The following RASAL2 variants were observed in gnomAD, a reference collection of about 807,000 sequenced individuals.
RASAL2 encodes the protein RAS protein activator like 2.
A neutral mutation model predicts 128.9 loss-of-function variants in RASAL2; 58 were observed. The ratio of observed to expected loss-of-function variants is 0.45; its 90% CI spans 0.36 to 0.56. RASAL2 has a LOEUF of 0.56. RASAL2 is among the 20% of genes least tolerant of loss of function. The pLI is 0.00. For synonymous variants in RASAL2, 561 were observed against 580.8 expected, an observed-to-expected ratio of 0.97 and a Z score of 0.49; for missense variants, 1,360 against 1,601.6, an observed-to-expected ratio of 0.85 and a Z score of 2.57.
In RASAL2 at chr1:178,471,408, A is replaced by T. The variant is rs558168790; in HGVS notation, c.3679-1667A>T. Among the ~76,000 whole-genome samples the T allele has an allele frequency of 1.4e-4, 22 of 152,228 alleles. No homozygotes were observed. The Middle Eastern group carries it at 0.01, about 71-fold the overall frequency. On this transcript the variant is annotated intron_variant, in intron 17 of 17. Coordinates refer to ENST00000367649, the MANE Select transcript of RASAL2 (RefSeq NM_170692.4). ...CATTGGTTAAAATTTTTTTAATAAT[A>T]ATTATTTTTTAAAAGCCTTGCAGCT... is the stretch of plus-strand genomic sequence containing the variant.
chr1:178,309,250 C>T (rs1305696855), intron 3 of RASAL2, among the ~76,000 whole-genome samples: 2 of 151,990 alleles, frequency 1.3e-5, no homozygotes, highest in Non-Finnish European at 2.9e-5. Context: ...TTTGAAATTT[C>T]CTTAAAATGT....
In RASAL2 at chr1:178,110,587, AT is replaced by A. The variant is rs1402331716; in HGVS notation, c.202+15894del. Among the ~76,000 whole-genome samples, 6 of 146,484 alleles carry A rather than the reference AT, an allele frequency of 4.1e-5. No individual in the cohort carries two copies. The South Asian group carries it at 1.1e-3, about 26-fold the overall frequency. On this transcript the variant is annotated intron_variant, in intron 1 of 17. Coordinates refer to ENST00000367649, the MANE Select transcript of RASAL2 (RefSeq NM_170692.4). ...TATATATAGCATATGTAGTATATAT[AT>A]GCTATATATACTGTATATATACACT... is the stretch of plus-strand genomic sequence containing the variant.
intron 1 of RASAL2, among the ~76,000 whole-genome samples, chr1:178,148,084 T>C (rs570733732): frequency 6.6e-6 from 1 of 151,728 alleles, no homozygotes; most frequent in African/African-American, 2.4e-5. Context: ...ATAAATAAAT[T>C]AATTAAAAAA....
chr1:178,212,580 C>T (rs1663290371), intron 1 of RASAL2, among the ~76,000 whole-genome samples: 1 of 152,126 alleles, frequency 6.6e-6, no homozygotes, highest in Non-Finnish European at 1.5e-5. Flanking sequence ...CAACGTCCGC[C>T]TCCTGGGTTC....
chr1:178,427,541 A>G (rs1675588988), intron 5 of RASAL2, among the ~76,000 whole-genome samples: 1 of 152,166 alleles, frequency 6.6e-6, no homozygotes, highest in African/African-American at 2.4e-5. Context: ...ATTATGGAAC[A>G]ATATTCTCAG....
intron 4 of RASAL2, among the ~76,000 whole-genome samples, chr1:178,395,448 T>C (rs1406792258): frequency 6.6e-6 from 1 of 152,220 alleles, no homozygotes; most frequent in Non-Finnish European, 1.5e-5. Context: ...CTGAGTTGCC[T>C]GTTAGTTGCC....
chr1:178,346,222 T>G (rs1477661624), intron 3 of RASAL2, among the ~76,000 whole-genome samples: 2 of 151,958 alleles, frequency 1.3e-5, no homozygotes, highest in Non-Finnish European at 2.9e-5. Context: ...GGCAACATAG[T>G]GAGACCTCCC....
chr1:178,454,961 T>C (rs1262364028), intron 12 of RASAL2, among the ~76,000 whole-genome samples: 1 of 152,150 alleles, frequency 6.6e-6, no homozygotes, highest in African/African-American at 2.4e-5. Flanking sequence ...TACAGCCTTA[T>C]GCATGTCTAA....
intron 3 of RASAL2, among the ~76,000 whole-genome samples, chr1:178,304,102 AAAAC>A (rs1667885775): frequency 6.6e-6 from 1 of 152,344 alleles, no homozygotes; most frequent in East Asian, 1.9e-4. Context: ...AAGACAAAGA[AAAAC>A]AAGCTAAATT....
At chr1:178,439,219 C>T (rs986690279) in intron 5 of RASAL2, among the ~76,000 whole-genome samples, 4 of 151,880 alleles carry the variant, frequency 2.6e-5, no homozygotes, top group Non-Finnish European at 5.9e-5. Flanking sequence ...AGTGTGTGTG[C>T]ACTCACATAG....
At chr1:178,410,902 A>G (rs1674324986) in intron 4 of RASAL2, among the ~76,000 whole-genome samples, 1 of 152,182 alleles carries the variant, frequency 6.6e-6, no homozygotes. Flanking sequence ...TGAAAAGGGA[A>G]CACTTTTACA....
At chr1:178,247,108 T>C (rs1432262113) in intron 1 of RASAL2, among the ~76,000 whole-genome samples, 1 of 152,244 alleles carries the variant, frequency 6.6e-6, no homozygotes, top group African/African-American at 2.4e-5. Context: ...AGTCCCTCTT[T>C]TTCTGTTGTT....
chr1:178,238,846 C>T (rs1571682666), intron 1 of RASAL2, among the ~76,000 whole-genome samples: 1 of 152,154 alleles, frequency 6.6e-6, no homozygotes, highest in Admixed American at 6.5e-5. Context: ...AATGATTTAT[C>T]TGCCTCAGGC....
At chr1:178,308,223 A>G (rs1668084491) in intron 3 of RASAL2, among the ~76,000 whole-genome samples, 1 of 152,112 alleles carries the variant, frequency 6.6e-6, no homozygotes, top group African/African-American at 2.4e-5. Flanking sequence ...TGCCTCCGAT[A>G]TATTCTAGCA....
At chr1:178,391,739 G>A (rs1454315334) in intron 4 of RASAL2, among the ~76,000 whole-genome samples, 1 of 152,162 alleles carries the variant, frequency 6.6e-6, no homozygotes, top group Non-Finnish European at 1.5e-5. Context: ...TAGGATAGCA[G>A]TACAAAAAGG....
At position 178,440,614 on chromosome 1, in the gene RASAL2, C is replaced by T. The variant is rs1156945679; in HGVS notation, c.829-935C>T. On this transcript the variant is annotated intron_variant, in intron 6 of 17. Transcript: ENST00000367649. ...GCAGACTTCAGCAATTTGGGCAAGA[C>T]ATTTATTGGTGTTCTTTTTTATAAA... is the stretch of plus-strand genomic sequence containing the variant. Among the ~76,000 whole-genome samples the T allele has an allele frequency of 2.0e-5, 3 of 152,050 alleles. No individual in the cohort carries two copies. In the East Asian group the frequency reaches 5.8e-4, roughly 29 times the overall value.
intron 17 of RASAL2, among the ~76,000 whole-genome samples, chr1:178,470,072 C>T (rs1248803745): frequency 1.3e-5 from 2 of 152,192 alleles, no homozygotes; most frequent in East Asian, 3.8e-4. Context: ...CTTTAAACAT[C>T]CTTTGGCATT....
intron 1 of RASAL2, among the ~76,000 whole-genome samples, chr1:178,256,345 T>C (rs1022466207): frequency 1.3e-5 from 2 of 152,134 alleles, no homozygotes; most frequent in African/African-American, 4.8e-5. Context: ...ATGGGAACTT[T>C]CTCAGCCTGA....
chr1:178,311,546 A>G (rs1668252580), intron 3 of RASAL2, among the ~76,000 whole-genome samples: 1 of 150,500 alleles, frequency 6.6e-6, no homozygotes, highest in Non-Finnish European at 1.5e-5. Flanking sequence ...TTTGGAGGGA[A>G]AAAAAAAAGC....
Sources: gnomAD v4.1 joint callset for allele counts (sites outside exome capture counted in the v4.1 genomes callset) on GRCh38, gnomAD v4.1.1 for gene constraint, MANE v1.5 for transcripts, NCBI Gene and HGNC (gene_info 2026-07-23, HGNC 2026-07-21) for gene names.